The following DIAPH2 variants were observed in gnomAD, a reference collection of about 807,000 sequenced individuals.
DIAPH2 encodes the protein protein diaphanous homolog 2.
A neutral mutation model predicts 92.7 loss-of-function variants in DIAPH2; 35 were observed. The observed-to-expected ratio is 0.38, with a 90% CI of 0.29 to 0.50. The LOEUF (loss-of-function observed/expected upper bound fraction) is 0.50. DIAPH2 is among the 20% of genes least tolerant of loss of function. The pLI is 0.94. For synonymous variants in DIAPH2, 301 were observed against 280.4 expected, an observed-to-expected ratio of 1.07 and a Z score of -0.73; for missense variants, 701 against 819.5, an observed-to-expected ratio of 0.86 and a Z score of 1.77.
intron 4 of DIAPH2, among the ~76,000 whole-genome samples, chrX:96,860,629 A>G (rs233207): frequency 0.4 from 44,005 of 110,402 alleles, 7,382 homozygotes; most frequent in African/African-American, 0.65. Flanking sequence ...AAAGAAGAAA[A>G]AAGTATTTAT....
At chrX:96,810,236 T>G (rs906741315) in intron 4 of DIAPH2, among the ~76,000 whole-genome samples, 1 of 112,440 alleles carries the variant, frequency 8.9e-6, no homozygotes, top group Non-Finnish European at 1.9e-5. Flanking sequence ...GGTATCTCAT[T>G]GTGGTTTTGA....
At chrX:97,105,619 C>T (rs1055161803) in intron 20 of DIAPH2, among the ~76,000 whole-genome samples, 3 of 112,023 alleles carry the variant, frequency 2.7e-5, no homozygotes, top group African/African-American at 9.8e-5. Flanking sequence ...CTCAGCTGTT[C>T]TCAAACCTCA....
At chrX:97,101,747 C>G (rs2147365305) in intron 20 of DIAPH2, among the ~76,000 whole-genome samples, 1 of 112,016 alleles carries the variant, frequency 8.9e-6, no homozygotes, top group Admixed American at 9.4e-5. Context: ...AATTACAGGA[C>G]AATTATTAAG....
At position 96,804,989 on chromosome X, in the gene DIAPH2, T is replaced by C. The variant is rs763003071; in HGVS notation, c.447+46731T>C. On this transcript the variant is annotated intron_variant, in intron 4 of 26. Coordinates refer to ENST00000324765, the MANE Select transcript of DIAPH2 (RefSeq NM_006729.5). ...AATGAGGAGAGCCACTGAAATTCTT[T>C]AATATTCTCTAACATGCAAACAAAA... Among the ~76,000 whole-genome samples the C allele has an allele frequency of 1.2e-4, 13 of 111,015 alleles. No homozygotes were observed. In the East Asian group the frequency reaches 3.1e-3, roughly 26 times the overall value.
At chrX:96,725,683 C>T (rs972065927) in intron 1 of DIAPH2, among the ~76,000 whole-genome samples, 3 of 111,757 alleles carry the variant, frequency 2.7e-5, no homozygotes, top group African/African-American at 9.7e-5. Context: ...TGGCCCATTC[C>T]TGAATTGGGG....
intron 16 of DIAPH2, among the ~76,000 whole-genome samples, chrX:96,962,284 T>TATAC (rs1556309981): frequency 8.7e-4 from 64 of 73,555 alleles, no homozygotes; most frequent in Non-Finnish European, 1.3e-3. Flanking sequence ...CATATATATA[T>TATAC]ACATATATAT....
intron 23 of DIAPH2, among the ~76,000 whole-genome samples, chrX:97,251,755 C>T (rs940091999): frequency 7.2e-5 from 8 of 111,498 alleles, no homozygotes; most frequent in African/African-American, 2.6e-4. Context: ...AAGGACAGAG[C>T]TCAGAAAGTG....
chrX:96,737,319 G>T (rs2064093990), intron 2 of DIAPH2, among the ~76,000 whole-genome samples: 1 of 111,729 alleles, frequency 9.0e-6, no homozygotes, highest in Admixed American at 9.5e-5. Context: ...ATACTTTTTG[G>T]TTTTAAAAAA....
intron 23 of DIAPH2, among the ~76,000 whole-genome samples, chrX:97,304,401 T>TTAA (rs1358741594): frequency 8.9e-6 from 1 of 112,382 alleles, no homozygotes; most frequent in Non-Finnish European, 1.9e-5. Context: ...AACAGCAGTA[T>TTAA]TAAAACCATG....
chrX:96,843,946 A>G (rs1012015105), intron 4 of DIAPH2, among the ~76,000 whole-genome samples: 10 of 112,319 alleles, frequency 8.9e-5, no homozygotes, highest in African/African-American at 3.2e-4. Context: ...GGGCATTTGA[A>G]AAGGAGTAGA....
intron 25 of DIAPH2, among the ~76,000 whole-genome samples, chrX:97,390,849 A>G (rs769231813): frequency 1.8e-5 from 2 of 112,269 alleles, no homozygotes; most frequent in Non-Finnish European, 3.8e-5. Flanking sequence ...TAAATATCCA[A>G]ATAAGTTTTT....
At chrX:97,032,223 G>C (rs1198795542) in intron 17 of DIAPH2, among the ~76,000 whole-genome samples, 1 of 111,173 alleles carries the variant, frequency 9.0e-6, no homozygotes, top group Non-Finnish European at 1.9e-5. Flanking sequence ...GTTGGGGATG[G>C]AGAAGGGGCC....
intron 23 of DIAPH2, among the ~76,000 whole-genome samples, chrX:97,255,892 C>T (rs1450516603): frequency 8.9e-6 from 1 of 111,826 alleles, no homozygotes; most frequent in African/African-American, 3.2e-5. Flanking sequence ...ATTACGTACA[C>T]TATGAGCTAC....
intron 26 of DIAPH2, among the ~76,000 whole-genome samples, chrX:97,545,086 C>G (rs906078479): frequency 9.0e-6 from 1 of 110,662 alleles, no homozygotes; most frequent in African/African-American, 3.3e-5. Context: ...ACCCTTTACT[C>G]CATCCTAAGT....
chrX:97,142,056 A>T (rs1019603208), intron 22 of DIAPH2, among the ~76,000 whole-genome samples: 1 of 111,716 alleles, frequency 9.0e-6, no homozygotes, highest in African/African-American at 3.2e-5. Context: ...TTGTACTTTC[A>T]TTTGATAAAC....
Position 97,599,381 on chromosome X carries a change from CAA to C in DIAPH2, c.*66_*67del, listed in dbSNP as rs1387175956. The C allele has an allele frequency of 3.8e-5, 31 of 807,007 alleles. No homozygotes were observed. The African/African-American group carries it at 5.6e-4, about 15-fold the overall frequency. 66.5% of individuals were successfully genotyped at this position (807,007 alleles called of 1,213,427 possible). A position where few individuals can be genotyped will look rare whatever the true frequency, so the allele number is the denominator to read the frequency against. On this transcript the variant is annotated 3_prime_UTR_variant, in exon 27 of 27. Coordinates refer to ENST00000324765, the MANE Select transcript of DIAPH2 (RefSeq NM_006729.5). ...ACAAAATGATGCATTTTGAGAAGAA[CAA>C]AGTGTGCACTCAGCGGCTGGAAAGG...
chrX:96,867,521 G>C (rs1189979935), intron 4 of DIAPH2, among the ~76,000 whole-genome samples: 1 of 111,490 alleles, frequency 9.0e-6, no homozygotes, highest in Non-Finnish European at 1.9e-5. Flanking sequence ...CACCTGGCCA[G>C]ATTGTTCTTT....
At chrX:97,378,605 A>C (rs2069524168) in intron 24 of DIAPH2, among the ~76,000 whole-genome samples, 1 of 111,871 alleles carries the variant, frequency 8.9e-6, no homozygotes, top group Non-Finnish European at 1.9e-5. Context: ...CAGCTACTTG[A>C]AAGGTTGAAG....
intron 4 of DIAPH2, among the ~76,000 whole-genome samples, chrX:96,845,036 A>T (rs1279412237): frequency 8.9e-6 from 1 of 112,213 alleles, no homozygotes; most frequent in Non-Finnish European, 1.9e-5. Context: ...GGTCTCACTT[A>T]TCCTGGAGGC....
Sources: allele counts gnomAD v4.1 joint callset (sites outside exome capture counted in the v4.1 genomes callset), GRCh38; gene constraint gnomAD v4.1.1; transcripts MANE v1.5; gene names NCBI Gene and HGNC (gene_info 2026-07-23, HGNC 2026-07-21).